DDX31: variants seen among roughly 807,000 people sequenced by gnomAD.
DDX31 encodes ATP-dependent DNA helicase DDX31.
In DDX31, 70 loss-of-function variants were observed where a neutral mutation model predicts 91.3. The ratio of observed to expected loss-of-function variants is 0.77; its 90% CI spans 0.63 to 0.94. The LOEUF (loss-of-function observed/expected upper bound fraction) is 0.94, where lower values mean the gene tolerates loss of function less well. DDX31 is among the 40% of genes least tolerant of loss of function. The pLI is 0.00. For synonymous variants in DDX31, 362 were observed against 350.6 expected (o/e 1.03, Z -0.36); for missense variants, 902 against 925.0 (o/e 0.98, Z 0.32).
intron 14 of DDX31, among the ~76,000 whole-genome samples, chr9:132,632,585 C>T (rs533015086): frequency 1.1e-3 from 166 of 152,234 alleles, no homozygotes; most frequent in Non-Finnish European, 2.0e-3. Flanking sequence ...CCATGAGCAA[C>T]GCCTAACAAG....
Position 132,595,475 on chromosome 9 carries a change from T to C in DDX31, c.1995-363A>G, listed in dbSNP as rs1199333333. Reference sequence around the variant, plus strand: ...AAACCCACCGTCACACTCAACAACATGAAGCAGTGAAAGCTCACGGCAGCT... The same window carrying C: ...AAACCCACCGTCACACTCAACAACACGAAGCAGTGAAAGCTCACGGCAGCT... On this transcript the variant is annotated intron_variant, in intron 19 of 19. Coordinates refer to ENST00000372159, the MANE Select transcript of DDX31 (RefSeq NM_022779.9). This position sits in a 1 kb window ranked among gnomAD's most constrained non-coding sequence, Gnocchi z 4.6. Among the ~76,000 whole-genome samples, 1 of 152,110 alleles carries C rather than the reference T, an allele frequency of 6.6e-6. No homozygotes were observed.
intron 17 of DDX31, among the ~76,000 whole-genome samples, chr9:132,624,474 A>G (rs1388967210): frequency 6.6e-6 from 1 of 152,236 alleles, no homozygotes; most frequent in African/African-American, 2.4e-5. Context: ...CCTTATTTAG[A>G]AAAAGACTCA....
intron 17 of DDX31, among the ~76,000 whole-genome samples, chr9:132,623,272 T>G (rs1832158205): frequency 6.6e-6 from 1 of 151,972 alleles, no homozygotes; most frequent in South Asian, 2.1e-4. Flanking sequence ...AAAGGTCCAG[T>G]CCAGGCCGGG....
chr9:132,642,360 C>T (rs912166043), intron 13 of DDX31, among the ~76,000 whole-genome samples: 1 of 152,184 alleles, frequency 6.6e-6, no homozygotes, highest in Non-Finnish European at 1.5e-5. Context: ...CAGGAAGGCA[C>T]AAGTTACTGC....
chr9:132,650,022 A>G (rs1282845142), intron 9 of DDX31, among the ~76,000 whole-genome samples: 2 of 152,216 alleles, frequency 1.3e-5, no homozygotes, highest in African/African-American at 4.8e-5. Context: ...TAGCAACATC[A>G]GAAGGAAACC....
At chr9:132,646,749 T>C in intron 12 of DDX31, 74 bp downstream of exon 12, 6 of 1,462,276 alleles carry the variant, frequency 4.1e-6, no homozygotes, top group Non-Finnish European at 5.7e-6. Context: ...CTCAACTCAT[T>C]GCTCCCAATG....
chr9:132,638,964 T>C (rs1242636946), intron 14 of DDX31, among the ~76,000 whole-genome samples: 2 of 152,178 alleles, frequency 1.3e-5, no homozygotes, highest in East Asian at 1.9e-4. Context: ...AAAATCCCCA[T>C]GTAACGATTA....
rs1332572010 is a variant in DDX31 at position 132,618,424 on chromosome 9, G to A, written c.1731C>T (p.Gly577=). The A allele has an allele frequency of 6.2e-7, 1 of 1,611,308 alleles. No homozygotes were observed. The highest frequency in any genetic ancestry group is 2.2e-5 in the East Asian group (1 of 44,796). ...TGGCTCGCTCTCGGATTTCCTGGGG[G>A]CCAACAGCATGGGATTTCTGAGAGG... ...RWGAQKSHAV[G]PQEIRERATV... The change falls in exon 18 of 20, where the codon GGC becomes GGT. Residue 577 remains glycine (G), a synonymous_variant. Coordinates refer to ENST00000372159, the MANE Select transcript of DDX31 (RefSeq NM_022779.9).
At chr9:132,631,503 C>T (rs868439113) in intron 15 of DDX31, among the ~76,000 whole-genome samples, 1 of 151,984 alleles carries the variant, frequency 6.6e-6, no homozygotes, top group Non-Finnish European at 1.5e-5. Context: ...CCCCCAGCCC[C>T]GACACAAAAG....
At chr9:132,611,884 C>T (rs1164469526) in intron 19 of DDX31, among the ~76,000 whole-genome samples, 1 of 152,080 alleles carries the variant, frequency 6.6e-6, no homozygotes, top group East Asian at 1.9e-4. Flanking sequence ...GCCCTATGAA[C>T]CCCACCACAT....
chr9:132,627,797 C>T (rs1002086525), intron 16 of DDX31, among the ~76,000 whole-genome samples: 3 of 152,214 alleles, frequency 2.0e-5, no homozygotes, highest in African/African-American at 4.8e-5. Context: ...AGCCATTTGT[C>T]GTGCTGGCCC....
intron 1 of DDX31, among the ~76,000 whole-genome samples, chr9:132,668,890 A>G (rs933582099): frequency 1.3e-5 from 2 of 152,292 alleles, no homozygotes; most frequent in South Asian, 2.1e-4. Flanking sequence ...TATACATTCT[A>G]GAGAGGCATG....
intron 11 of DDX31, 57 bp from the exon 12 acceptor site, chr9:132,647,115 C>CAAA: frequency 6.6e-7 from 1 of 1,525,202 alleles, no homozygotes; most frequent in East Asian, 2.3e-5. Context: ...AAACTGGTCA[C>CAAA]AAAAGCGTAC....
chr9:132,662,477 T>C lies in DDX31; in HGVS notation c.294A>G (p.Ser98=), dbSNP rs764179218. The change falls in exon 2 of 20, where the codon TCA becomes TCG. Residue 98 remains serine, a synonymous_variant. Coordinates refer to ENST00000372159, the MANE Select transcript of DDX31 (RefSeq NM_022779.9). ...GAATGTCAGGGTTGTTTTTAAACAGTGATGAAGTCTTAATGCACTGTCTCT... is the reference window on the plus strand; with the variant it reads ...GAATGTCAGGGTTGTTTTTAAACAGCGATGAAGTCTTAATGCACTGTCTCT... ...QEERQCIKTS[S]LFKNNPDIPE... 1.2e-6 allele frequency: 2 copies of C among 1,614,074 alleles called. No homozygotes were observed. Among genetic ancestry groups the C allele is most frequent in the Admixed American group, 3.3e-5 (2 of 60,010 alleles).
chr9:132,615,658 C>T (rs1254848711), intron 18 of DDX31, among the ~76,000 whole-genome samples: 2 of 152,138 alleles, frequency 1.3e-5, no homozygotes, highest in African/African-American at 4.8e-5. Flanking sequence ...GAGGATTAAG[C>T]CACAGAAGCA....
chr9:132,653,722 T>C (rs1834367679), intron 6 of DDX31, among the ~76,000 whole-genome samples: 2 of 151,906 alleles, frequency 1.3e-5, no homozygotes. Context: ...ATAGTACATA[T>C]AAGCTAATTC....
chr9:132,628,706 C>A (rs927376232), intron 16 of DDX31, among the ~76,000 whole-genome samples: 2 of 152,110 alleles, frequency 1.3e-5, no homozygotes, highest in Non-Finnish European at 2.9e-5. Context: ...TTAAAGTGAA[C>A]GAGCATGGGG....
chr9:132,629,035 C>T (rs1832568300), intron 16 of DDX31, among the ~76,000 whole-genome samples: 1 of 152,224 alleles, frequency 6.6e-6, no homozygotes, highest in African/African-American at 2.4e-5. Context: ...GTACACCCGC[C>T]CTGGTGGGTG....
intron 19 of DDX31, among the ~76,000 whole-genome samples, chr9:132,598,404 T>C (rs1006849828): frequency 5.3e-5 from 8 of 152,152 alleles, no homozygotes; most frequent in South Asian, 2.1e-4. Flanking sequence ...GCATCCACCA[T>C]AGTAATCCTG....
Sources: allele counts gnomAD v4.1 joint callset (sites outside exome capture counted in the v4.1 genomes callset), GRCh38; gene constraint gnomAD v4.1.1; non-coding constraint Gnocchi (gnomAD v3.1); transcripts MANE v1.5; gene names NCBI Gene and HGNC (gene_info 2026-07-23, HGNC 2026-07-21).